The following MROH2A variants were observed in gnomAD, a reference collection of about 807,000 sequenced individuals.
MROH2A encodes maestro heat like repeat family member 2A, also known as maestro heat-like repeat-containing protein family member 2A.
Under a neutral mutation model 200.4 loss-of-function variants are expected in MROH2A, and 174 were observed. The ratio of observed to expected loss-of-function variants is 0.87; its 90% CI spans 0.77 to 0.98. The LOEUF (loss-of-function observed/expected upper bound fraction) is 0.98. Among genes scored for constraint, MROH2A ranks in the 50% least tolerant of loss-of-function variants. The probability of loss-of-function intolerance (pLI) is 0.00; values close to 1 mark genes in which losing one functional copy is unlikely to be tolerated. For missense variants in MROH2A, 2,045 were observed against 2,139.6 expected (o/e 0.96, Z 0.87); for synonymous variants, 829 against 840.4 (o/e 0.99, Z 0.23).
chr2:233,809,193 C>T lies in MROH2A; in HGVS notation c.2363C>T (p.Ser788Phe). Residue 788 changes from serine (S) to phenylalanine (F), a missense_variant, in exon 22 of 42, where the codon TCC becomes TTC. By Grantham distance (155) the Ser-to-Phe change is radical. This residue lies in a region of MROH2A where 1,201 missense variants were observed against 1,311.3 expected (regional missense o/e 0.92). Transcript: ENST00000389758. ...ALMVMYSCVA[S>F]YCHPQLLLNL... ...ATGGTGATGTATAGCTGCGTGGCCT[C>T]CTACTGCCACCCCCAGTTGCTCCTC... is the stretch of plus-strand genomic sequence containing the variant. The T allele has an allele frequency of 6.4e-7, 1 of 1,550,550 alleles. No individual in the cohort carries two copies. The highest frequency in any genetic ancestry group is 8.7e-7 in the Non-Finnish European group (1 of 1,146,972).
At chr2:233,818,906 A>C in intron 29 of MROH2A, 136 bp downstream of exon 29, 1 of 625,464 alleles carries the variant, frequency 1.6e-6, no homozygotes. Flanking sequence ...CCTTTGGCCC[A>C]ACTGCTGCCC....
Position 233,813,271 on chromosome 2 carries a change from A to AGCTGCT in MROH2A, c.2652-382_2652-377dup, listed in dbSNP as rs895511669. ...GTGTTTCTCATAAATTCCAAGGTGA[A>AGCTGCT]GCTGCTGCTGCTGCTGCTGCTGGTG... On this transcript the variant is annotated intron_variant, in intron 24 of 41. Transcript: ENST00000389758. Among the ~76,000 whole-genome samples the AGCTGCT allele has an allele frequency of 7.2e-5, 11 of 152,022 alleles. No individual in the cohort carries two copies. The South Asian group carries it at 1.5e-3, about 20-fold the overall frequency.
rs998355615 is a variant in MROH2A, at chr2:233,828,821, G to T, written c.4263+42G>T. The T allele has an allele frequency of 4.5e-6, 7 of 1,549,120 alleles. No homozygotes were observed. The highest frequency in any genetic ancestry group is 6.1e-6 in the Non-Finnish European group (7 of 1,146,152). ...TGGGCCCAGGTCCCGGGAGCTGAGGGTGCAGGCCGGGTGCCCTGGTCAGCC... is the reference window on the plus strand; with the variant it reads ...TGGGCCCAGGTCCCGGGAGCTGAGGTTGCAGGCCGGGTGCCCTGGTCAGCC... On this transcript the variant is annotated intron_variant, in intron 36 of 41. Transcript: ENST00000389758. This position sits in a 1 kb window ranked among gnomAD's most constrained non-coding sequence, Gnocchi z 4.6.
rs1397865516 is a variant in MROH2A at position 233,822,244 on chromosome 2, G to A, written c.3633G>A (p.Lys1211=). 6 of 1,547,812 alleles carry A rather than the reference G, an allele frequency of 3.9e-6. No individual in the cohort carries two copies. In the East Asian group the frequency reaches 1.5e-4, roughly 38 times the overall value. ...GCCCCAGAATCAGTGCCACCTCCAA[G>A]GCTGACATCTGGCGCCTGGCTGCGG... ...RLSPRISATS[K]ADIWRLAAVD... The change falls in exon 32 of 42, where the codon AAG becomes AAA. Residue 1211 remains lysine, a synonymous_variant. Coordinates refer to ENST00000389758, the MANE Select transcript of MROH2A (RefSeq NM_001394639.1).
At position 233,789,640 on chromosome 2, in the gene MROH2A, A is replaced by G; in HGVS notation, c.408+12A>G. ...GGGAGATCCCAGAGGTAGGACCCCA[A>G]GCTCCATCGGTGCCTTCCCTCTGCC... On this transcript the variant is annotated intron_variant, in intron 4 of 41. Transcript: ENST00000389758. The G allele has an allele frequency of 2.1e-6, 3 of 1,454,018 alleles. No individual in the cohort carries two copies. The highest frequency in any genetic ancestry group is 2.7e-6 in the Non-Finnish European group (3 of 1,100,188). The allele number at this position is 1,454,018 out of a possible 1,614,324, so 90.1% of individuals were successfully genotyped here. A position where few individuals can be genotyped will look rare whatever the true frequency, so the allele number is the denominator to read the frequency against.
intron 3 of MROH2A, among the ~76,000 whole-genome samples, chr2:233,788,895 C>A (rs985537745): frequency 7.2e-6 from 1 of 138,562 alleles, no homozygotes; most frequent in East Asian, 2.2e-4. Context: ...GGCGAAATCG[C>A]GCCACTGCAC....
chr2:233,799,548 G>A lies in MROH2A; in HGVS notation c.1330-232G>A, dbSNP rs79890551. On this transcript the variant is annotated intron_variant, in intron 12 of 41. Transcript: ENST00000389758. Reference sequence around the variant, plus strand: ...ATGGAGCAGCCGAGGTTGGAAGGGAGGGAGGGAGCTTTGTGTCTCTCCAAG... The same window carrying A: ...ATGGAGCAGCCGAGGTTGGAAGGGAAGGAGGGAGCTTTGTGTCTCTCCAAG... Among the ~76,000 whole-genome samples the A allele has an allele frequency of 6.1e-3, 930 of 152,280 alleles. 8 individuals are homozygous for A. Among genetic ancestry groups the A allele is most frequent in the African/African-American group, 0.02 (850 of 41,556 alleles).
In MROH2A at chr2:233,793,697, T is replaced by C; in HGVS notation, c.695T>C (p.Val232Ala). The C allele has an allele frequency of 6.9e-7, 1 of 1,450,284 alleles. No individual in the cohort carries two copies. The allele number at this position is 1,450,284 out of a possible 1,614,324, so 89.8% of individuals were successfully genotyped here. ...GCCATGGAGACCTTCTGTGAGACGG[T>C]GCAGTTTTATCTGAAGCACCTGGAG... Reference protein sequence around the residue: ...CSAMETFCETVQFYLKHLEES... With the variant: ...CSAMETFCETAQFYLKHLEES... The change falls in exon 7 of 42, where the codon GTG becomes GCG. Residue 232 changes from valine (V) to alanine (A), a missense_variant. Physicochemically the swap from Val to Ala is moderately conservative, Grantham distance 64. Around this residue, in one of 3 missense-constraint regions of MROH2A, gnomAD observed 831 missense variants for 800.0 expected, o/e 1.04. Transcript: ENST00000389758.
intron 11 of MROH2A, among the ~76,000 whole-genome samples, chr2:233,797,200 A>G (rs1261527892): frequency 2.0e-5 from 3 of 152,240 alleles, no homozygotes; most frequent in African/African-American, 7.2e-5. Flanking sequence ...CTAGGGTGAC[A>G]AGAAACCACC....
intron 11 of MROH2A, among the ~76,000 whole-genome samples, chr2:233,798,239 C>A (rs1410398257): frequency 6.6e-6 from 1 of 152,234 alleles, no homozygotes; most frequent in Non-Finnish European, 1.5e-5. Flanking sequence ...CTTGCCCAGC[C>A]CTTACGGTGT....
chr2:233,799,647 G>A (rs1702331279), intron 12 of MROH2A, 133 bp from the exon 13 acceptor site: 1 of 1,116,262 alleles, frequency 9.0e-7, no homozygotes, highest in South Asian at 1.6e-5. Context: ...TGGACAGAGT[G>A]GGCAGTAATC....
intron 35 of MROH2A, among the ~76,000 whole-genome samples, chr2:233,826,508 T>A (rs1191729334): frequency 7.2e-5 from 11 of 152,220 alleles, no homozygotes; most frequent in African/African-American, 2.4e-4. Context: ...CTGGGAGAAC[T>A]GGCTATCCAT....
chr2:233,783,671 A>G (rs200849487), intron 3 of MROH2A, among the ~76,000 whole-genome samples: 1 of 152,014 alleles, frequency 6.6e-6, no homozygotes, highest in Non-Finnish European at 1.5e-5. Flanking sequence ...TCAGCCTCCC[A>G]AGTAGCTGGG....
chr2:233,789,877 T>G lies in MROH2A; in HGVS notation c.434T>G (p.Val145Gly), dbSNP rs1484312344. 6.5e-7 allele frequency: 1 copy of G among 1,550,088 alleles called. No individual in the cohort carries two copies. Among genetic ancestry groups the G allele is most frequent in the East Asian group, 2.4e-5 (1 of 40,926 alleles). Residue 145 changes from valine (V) to glycine (G), a missense_variant, in exon 5 of 42, where the codon GTG becomes GGG. Coordinates refer to ENST00000389758, the MANE Select transcript of MROH2A (RefSeq NM_001394639.1). ...PEMEGYMKAE[V>G]ASDTLVALSR... The stretch of plus-strand genomic sequence containing the variant: ...ATGGAGGGCTATATGAAGGCAGAGG[T>G]GGCCAGCGACACACTGGTGGCTCTG...
intron 3 of MROH2A, among the ~76,000 whole-genome samples, chr2:233,786,169 C>T (rs1575898194): frequency 6.6e-6 from 1 of 152,302 alleles, no homozygotes; most frequent in East Asian, 1.9e-4. Context: ...TGTGTTCCCC[C>T]TTTGTCTCCT....
intron 25 of MROH2A, among the ~76,000 whole-genome samples, chr2:233,814,170 G>A (rs1575983971): frequency 1.3e-5 from 2 of 152,312 alleles, no homozygotes; most frequent in East Asian, 3.9e-4. Context: ...GTCTAGGGAA[G>A]ACTTGAGAGT....
At chr2:233,813,613 C>A in intron 24 of MROH2A, 57 bp from the exon 25 acceptor site, 1 of 1,060,364 alleles carries the variant, frequency 9.4e-7, no homozygotes, top group Non-Finnish European at 1.4e-6. Flanking sequence ...GGCAGTGGGG[C>A]AGCAGAAGCT....
chr2:233,812,930 A>C (rs1370040778), intron 24 of MROH2A, among the ~76,000 whole-genome samples: 1 of 152,220 alleles, frequency 6.6e-6, no homozygotes, highest in Non-Finnish European at 1.5e-5. Context: ...GGGGAGCAGG[A>C]GTTTAAAGCA....
intron 14 of MROH2A, among the ~76,000 whole-genome samples, chr2:233,801,645 C>T (rs1439221035): frequency 1.3e-5 from 2 of 152,154 alleles, no homozygotes; most frequent in African/African-American, 4.8e-5. Context: ...GCGTTTCACC[C>T]ACCTATGTTA....
Sources: allele counts gnomAD v4.1 joint callset (sites outside exome capture counted in the v4.1 genomes callset), GRCh38; gene constraint gnomAD v4.1.1; regional missense constraint gnomAD v4.1.1; non-coding constraint Gnocchi (gnomAD v3.1); transcripts MANE v1.5; gene names NCBI Gene and HGNC (gene_info 2026-07-23, HGNC 2026-07-21).